The following VWDE variants were observed in gnomAD, a reference collection of about 807,000 sequenced individuals.
The protein encoded by VWDE is von Willebrand factor D and EGF domains.
VWDE carries 207 observed loss-of-function variants against 178.4 expected under a neutral mutation model. That is an observed-to-expected ratio of 1.16 (90% CI 1.04 to 1.30). VWDE has a LOEUF of 1.30. Ranked by LOEUF, VWDE falls within the 50% of genes most tolerant of loss-of-function variation. VWDE has a pLI of 0.00. For synonymous variants in VWDE, 738 were observed against 651.4 expected, an observed-to-expected ratio of 1.13 and a Z score of -2.02; for missense variants, 2,287 against 1,901.3, an observed-to-expected ratio of 1.20 and a Z score of -3.77.
rs1351122685 is a variant in VWDE at position 12,389,153 on chromosome 7, T to C, written c.449A>G (p.Gln150Arg). 6.4e-7 allele frequency: 1 copy of C among 1,550,584 alleles called. No individual in the cohort carries two copies. Among genetic ancestry groups the C allele is most frequent in the East Asian group, 2.4e-5 (1 of 40,902 alleles). The change falls in exon 3 of 29, where the codon CAG becomes CGG. Residue 150 changes from glutamine to arginine, a missense_variant. Physicochemically the swap from Gln to Arg is conservative, Grantham distance 43. Transcript: ENST00000275358. ...TTCCGCACAGTAGCCCATACATCCC[T>C]GAGTTGGTTGTAGTAAGTATACAGA... The part of the protein sequence containing the change: ...NFSVYLLQPT[Q>R]GCMGYCAEAI...
At chr7:12,350,606 G>A (rs1781875134) in intron 19 of VWDE, among the ~76,000 whole-genome samples, 1 of 152,046 alleles carries the variant, frequency 6.6e-6, no homozygotes, top group Non-Finnish European at 1.5e-5. Context: ...CTTTGTACTA[G>A]AGGTACACTA....
At chr7:12,392,235 G>T (rs1784420026) in intron 2 of VWDE, among the ~76,000 whole-genome samples, 1 of 152,204 alleles carries the variant, frequency 6.6e-6, no homozygotes, top group Non-Finnish European at 1.5e-5. Context: ...GAACTAGTGA[G>T]TTTACATATG....
intron 13 of VWDE, among the ~76,000 whole-genome samples, chr7:12,364,651 AG>A (rs1409870109): frequency 1.6e-4 from 25 of 152,294 alleles, no homozygotes; most frequent in African/African-American, 5.8e-4. Flanking sequence ...TCCTTTCAGT[AG>A]AATTCCAGAT....
intron 19 of VWDE, among the ~76,000 whole-genome samples, chr7:12,348,383 AAAAC>A (rs1484632836): frequency 6.9e-6 from 1 of 144,698 alleles, no homozygotes; most frequent in Non-Finnish European, 1.5e-5. Context: ...TTACAAGAAA[AAAAC>A]AAACAACCCC....
At chr7:12,350,676 A>ATC (rs145525252) in intron 19 of VWDE, among the ~76,000 whole-genome samples, 17,193 of 151,990 alleles carry the variant, frequency 0.11, 1,316 homozygotes, top group Non-Finnish European at 0.16. Flanking sequence ...GCTCAGGCTC[A>ATC]ACTCTCTCTC....
chr7:12,395,348 C>T (rs1288340732), intron 1 of VWDE, among the ~76,000 whole-genome samples: 3 of 152,214 alleles, frequency 2.0e-5, no homozygotes, highest in African/African-American at 7.2e-5. Flanking sequence ...ATAAGGTGTG[C>T]ATAAATTATT....
In VWDE at chr7:12,377,879, T is replaced by G; in HGVS notation, c.921A>C (p.Glu307Asp). 6.6e-7 allele frequency: 1 copy of G among 1,522,522 alleles called. No homozygotes were observed. The highest frequency in any genetic ancestry group is 8.8e-7 in the Non-Finnish European group (1 of 1,134,076). 94.3% of individuals were successfully genotyped at this position (1,522,522 alleles called of 1,614,324 possible). The change falls in exon 7 of 29, where the codon GAA (glutamate) becomes GAC (aspartate). Residue 307 changes from glutamate (E) to aspartate (D), a missense_variant. Transcript: ENST00000275358. ...ELSTISEDGK[E>D]YYLRIESTVP... is the part of the protein sequence containing the mutation. ...CTGTGCTTTCTATCCTCAGGTAGTATTCTTTCCCATCCTCTGATATAGTGC... is the reference window on the plus strand; with the variant it reads ...CTGTGCTTTCTATCCTCAGGTAGTAGTCTTTCCCATCCTCTGATATAGTGC...
chr7:12,374,925 C>A, intron 8 of VWDE, 85 bp downstream of exon 8: 1 of 1,342,886 alleles, frequency 7.4e-7, no homozygotes, highest in South Asian at 1.5e-5. Context: ...AAATTTTTTA[C>A]ATAAAAAGTT....
At chr7:12,347,889 G>A (rs1781698330) in intron 19 of VWDE, among the ~76,000 whole-genome samples, 1 of 151,984 alleles carries the variant, frequency 6.6e-6, no homozygotes, top group African/African-American at 2.4e-5. Flanking sequence ...TAGATCAATA[G>A]AACAGAACAG....
At chr7:12,340,724 G>A (rs1306065631) in intron 23 of VWDE, among the ~76,000 whole-genome samples, 3 of 152,182 alleles carry the variant, frequency 2.0e-5, no homozygotes, top group East Asian at 3.9e-4. Flanking sequence ...GAATGTAGAG[G>A]CTATGATTAG....
intron 8 of VWDE, 57 bp from the exon 9 acceptor site, chr7:12,374,819 TAAA>T: frequency 8.1e-7 from 1 of 1,228,592 alleles, no homozygotes; most frequent in South Asian, 1.5e-5. Context: ...TAGTGATATA[TAAA>T]AAATTGCTTA....
chr7:12,367,730 G>C lies in VWDE; in HGVS notation c.2762-237C>G, dbSNP rs577265628. On this transcript the variant is annotated intron_variant, in intron 12 of 28. Transcript: ENST00000275358. ...AAACACTACCAGTCCTAAAATCACAGGTTTCACTAATGTTTAATAATATTT... is the reference window on the plus strand; with the variant it reads ...AAACACTACCAGTCCTAAAATCACACGTTTCACTAATGTTTAATAATATTT... Among the ~76,000 whole-genome samples the C allele has an allele frequency of 5.0e-3, 756 of 151,842 alleles. 6 individuals carry two copies. The highest frequency in any genetic ancestry group is 0.017 in the African/African-American group (709 of 41,394).
intron 2 of VWDE, among the ~76,000 whole-genome samples, chr7:12,390,570 T>C (rs1246315673): frequency 6.6e-6 from 1 of 151,586 alleles, no homozygotes; most frequent in Non-Finnish European, 1.5e-5. Flanking sequence ...ATATAAAAGT[T>C]AAATAATAAA....
chr7:12,403,194 G>A (rs889216341), intron 1 of VWDE, among the ~76,000 whole-genome samples: 1 of 152,032 alleles, frequency 6.6e-6, no homozygotes. Flanking sequence ...AACTTAACTT[G>A]GTGATTTATT....
chr7:12,379,485 C>A lies in VWDE; in HGVS notation c.871G>T (p.Gly291Cys), dbSNP rs750777299. 9.0e-6 allele frequency: 14 copies of A among 1,548,678 alleles called. No individual in the cohort carries two copies. Among genetic ancestry groups the A allele is most frequent in the South Asian group, 8.4e-5 (7 of 83,582 alleles). ...TCCCCACTGCTGCGTACCTTAAAGC[C>A]TGCAAAAAATTCTTGGCTTTCGATG... ...VAIESQEFFA[G>C]FKLQPELSTI... Residue 291 changes from glycine to cysteine, a missense_variant, in exon 6 of 29, where the codon GGC (glycine) becomes TGC (cysteine). Coordinates refer to ENST00000275358, the MANE Select transcript of VWDE (RefSeq NM_001135924.3).
chr7:12,336,097 T>G (rs1781009258), intron 27 of VWDE, 44 bp downstream of exon 27: 1 of 1,479,440 alleles, frequency 6.8e-7, no homozygotes, highest in Admixed American at 2.1e-5. Context: ...TATAACAGAT[T>G]CCAATTCAGA....
intron 19 of VWDE, among the ~76,000 whole-genome samples, chr7:12,349,654 C>A (rs1781824362): frequency 6.6e-6 from 1 of 150,530 alleles, no homozygotes; most frequent in Admixed American, 6.6e-5. Flanking sequence ...TAAAGTACTC[C>A]TACAAATCAA....
intron 9 of VWDE, among the ~76,000 whole-genome samples, chr7:12,373,773 T>C (rs2128556534): frequency 6.6e-6 from 1 of 152,254 alleles, no homozygotes; most frequent in South Asian, 2.1e-4. Flanking sequence ...ACTTGGCTTT[T>C]CACCTAGTTG....
rs758427149 is a variant in VWDE at position 12,333,560 on chromosome 7, T to G, written c.4663A>C (p.Asn1555His). The G allele has an allele frequency of 3.2e-6, 5 of 1,549,136 alleles. No individual in the cohort carries two copies. Residue 1555 changes from asparagine (N) to histidine (H), a missense_variant, in exon 28 of 29, where the codon AAC becomes CAC. By Grantham distance (68) the Asn-to-His change is moderately conservative (BLOSUM62 1). Transcript: ENST00000275358. ...EGVRCQIPIC[N>H]PKCLYGGRCI... is the part of the protein sequence containing the mutation. ...CTGCCTCCATAAAGACATTTTGGGT[T>G]GCAAATTGCTGCAATACACAAATTT... is the stretch of plus-strand genomic sequence containing the variant.
Sources: gnomAD v4.1 joint callset for allele counts (sites outside exome capture counted in the v4.1 genomes callset) on GRCh38, gnomAD v4.1.1 for gene constraint, MANE v1.5 for transcripts, NCBI Gene and HGNC (gene_info 2026-07-23, HGNC 2026-07-21) for gene names.